The following ERC2 variants were observed in gnomAD, a reference collection of about 807,000 sequenced individuals.
ERC2 encodes ELKS/RAB6-interacting/CAST family member 2, also known as ERC protein 2.
In ERC2, 42 loss-of-function variants were observed where a neutral mutation model predicts 114.8. The observed-to-expected ratio is 0.37, with a 90% CI of 0.29 to 0.47. The LOEUF (loss-of-function observed/expected upper bound fraction) is 0.47. Among genes scored for constraint, ERC2 ranks in the 20% least tolerant of loss-of-function variants. The probability of loss-of-function intolerance (pLI) is 0.99; values close to 1 mark genes in which losing one functional copy is unlikely to be tolerated. For missense variants in ERC2, 939 were observed against 1,150.7 expected (o/e 0.82, Z 2.66); for synonymous variants, 454 against 425.5 (o/e 1.07, Z -0.82).
chr3:56,213,570 G>A (rs971272759), intron 3 of ERC2, among the ~76,000 whole-genome samples: 6 of 152,210 alleles, frequency 3.9e-5, no homozygotes, highest in Admixed American at 3.9e-4. Context: ...GCCTGCCTCT[G>A]TAGACTCTGC....
At chr3:56,002,125 A>G (rs1409436856) in intron 10 of ERC2, among the ~76,000 whole-genome samples, 2 of 152,164 alleles carry the variant, frequency 1.3e-5, no homozygotes, top group Non-Finnish European at 2.9e-5. Flanking sequence ...AATGTGTTGT[A>G]AAGAATGGAG....
At chr3:56,442,846 A>T (rs2062382276) in intron 1 of ERC2, among the ~76,000 whole-genome samples, 1 of 152,174 alleles carries the variant, frequency 6.6e-6, no homozygotes, top group Admixed American at 6.5e-5. Flanking sequence ...AATGAGGGGG[A>T]TAAGGCAGTG....
chr3:55,898,696 G>A (rs898746483), intron 13 of ERC2, among the ~76,000 whole-genome samples: 3 of 152,046 alleles, frequency 2.0e-5, no homozygotes, highest in Admixed American at 1.3e-4. Flanking sequence ...GGATGCATAA[G>A]CAAGACAAAG....
intron 3 of ERC2, among the ~76,000 whole-genome samples, chr3:56,274,320 G>T (rs886508723): frequency 2.6e-5 from 4 of 152,148 alleles, no homozygotes; most frequent in Non-Finnish European, 5.9e-5. Context: ...AGCCCTGTTT[G>T]TGGAAAAATT....
At chr3:55,699,696 G>C (rs146885361) in intron 15 of ERC2, among the ~76,000 whole-genome samples, 184 bp from the exon 16 acceptor site, 2 of 152,308 alleles carry the variant, frequency 1.3e-5, no homozygotes, top group African/African-American at 4.8e-5. Context: ...AAAAAGCTCT[G>C]TCACATCCTT....
intron 16 of ERC2, among the ~76,000 whole-genome samples, chr3:55,688,947 T>C (rs1027550323): frequency 6.6e-6 from 1 of 152,198 alleles, no homozygotes; most frequent in African/African-American, 2.4e-5. Context: ...CCCTCTTCTA[T>C]CGCACGAGCC....
chr3:55,696,454 G>C (rs2062934253), intron 16 of ERC2, among the ~76,000 whole-genome samples: 1 of 152,148 alleles, frequency 6.6e-6, no homozygotes, highest in Non-Finnish European at 1.5e-5. Flanking sequence ...CTAACATTAT[G>C]TACATTATGA....
intron 7 of ERC2, among the ~76,000 whole-genome samples, chr3:56,037,916 C>A (rs1207814972): frequency 1.3e-5 from 2 of 152,050 alleles, no homozygotes; most frequent in Non-Finnish European, 2.9e-5. Context: ...TGAAACAGGA[C>A]CCCTTCCTCA....
chr3:55,671,404 CTAAAA>C (rs1271820639), intron 17 of ERC2, among the ~76,000 whole-genome samples: 1 of 152,062 alleles, frequency 6.6e-6, no homozygotes, highest in African/African-American at 2.4e-5. Flanking sequence ...ACCACAAAAC[CTAAAA>C]TATTTACTAT....
chr3:56,330,001 A>G (rs948308600), intron 2 of ERC2, among the ~76,000 whole-genome samples: 4 of 151,626 alleles, frequency 2.6e-5, no homozygotes, highest in Non-Finnish European at 4.4e-5. Flanking sequence ...TATATTTCCA[A>G]TAAACATATA....
intron 14 of ERC2, among the ~76,000 whole-genome samples, chr3:55,883,993 G>A (rs970813564): frequency 7.2e-5 from 11 of 152,136 alleles, no homozygotes; most frequent in African/African-American, 2.7e-4. Flanking sequence ...ATTTGAAGAA[G>A]GCTGGTAGAT....
chr3:55,765,508 A>G (rs141921945), intron 14 of ERC2, among the ~76,000 whole-genome samples: 1 of 152,216 alleles, frequency 6.6e-6, no homozygotes, highest in Non-Finnish European at 1.5e-5. Flanking sequence ...CCAATGACGT[A>G]GCATGTGCAA....
At chr3:55,556,248 T>A (rs2055596404) in intron 17 of ERC2, among the ~76,000 whole-genome samples, 1 of 152,310 alleles carries the variant, frequency 6.6e-6, no homozygotes, top group Non-Finnish European at 1.5e-5. Flanking sequence ...AATCTAGGCC[T>A]GAGTACCCTT....
chr3:55,922,589 T>C (rs754631004), intron 13 of ERC2, among the ~76,000 whole-genome samples: 1 of 152,082 alleles, frequency 6.6e-6, no homozygotes, highest in African/African-American at 2.4e-5. Context: ...CCCATTTTAC[T>C]TAGAATCTTT....
At chr3:55,598,695 G>T (rs910531709) in intron 17 of ERC2, among the ~76,000 whole-genome samples, 1 of 152,228 alleles carries the variant, frequency 6.6e-6, no homozygotes, top group African/African-American at 2.4e-5. Context: ...ATTCCTCCCT[G>T]TTACAGTGGA....
At chr3:56,131,100 G>A (rs1423801692) in intron 6 of ERC2, among the ~76,000 whole-genome samples, 2 of 152,154 alleles carry the variant, frequency 1.3e-5, no homozygotes, top group East Asian at 3.9e-4. Context: ...CCCCTATAAC[G>A]ACTATGGTTC....
intron 14 of ERC2, among the ~76,000 whole-genome samples, chr3:55,842,370 C>A (rs947986270): frequency 3.3e-5 from 5 of 152,158 alleles, no homozygotes; most frequent in African/African-American, 9.7e-5. Context: ...ATGTGGGTGT[C>A]CCGTTCCAGG....
chr3:55,579,290 T>C (rs1475261294), intron 17 of ERC2, among the ~76,000 whole-genome samples: 1 of 152,162 alleles, frequency 6.6e-6, no homozygotes, highest in East Asian at 1.9e-4. Context: ...ATAGTATATA[T>C]AATTCACAAT....
At chr3:56,024,129 A>G (rs2073902201) in intron 7 of ERC2, among the ~76,000 whole-genome samples, 1 of 152,216 alleles carries the variant, frequency 6.6e-6, no homozygotes, top group Non-Finnish European at 1.5e-5. Flanking sequence ...TTATTAGCTA[A>G]AGCAACAGAA....
Sources: gnomAD v4.1 joint callset for allele counts (sites outside exome capture counted in the v4.1 genomes callset) on GRCh38, gnomAD v4.1.1 for gene constraint, MANE v1.5 for transcripts, NCBI Gene and HGNC (gene_info 2026-07-23, HGNC 2026-07-21) for gene names.